Variants in AUTS2 observed in about 807,000 individuals in gnomAD.
AUTS2 encodes activator of transcription and developmental regulator AUTS2, also known as autism susceptibility gene 2 protein.
Under a neutral mutation model 112.4 loss-of-function variants are expected in AUTS2, and 17 were observed. The observed-to-expected ratio is 0.15, with a 90% CI of 0.10 to 0.23. AUTS2 has a LOEUF of 0.23. Among genes scored for constraint, AUTS2 ranks in the 10% least tolerant of loss-of-function variants. The pLI, the probability that AUTS2 is intolerant of heterozygous loss-of-function variation, is 1.00. For synonymous variants in AUTS2, 751 were observed against 702.7 expected (o/e 1.07, Z -1.09); for missense variants, 1,510 against 1,701.6 (o/e 0.89, Z 1.98).
chr7:70,388,212 T>G (rs896217185), intron 4 of AUTS2, among the ~76,000 whole-genome samples: 26 of 152,186 alleles, frequency 1.7e-4, no homozygotes, highest in African/African-American at 4.8e-4. Context: ...TTCTCTCTCC[T>G]TTGATTTTCC....
intron 4 of AUTS2, among the ~76,000 whole-genome samples, chr7:70,173,277 C>T (rs1235963647): frequency 1.3e-5 from 2 of 151,250 alleles, no homozygotes; most frequent in Non-Finnish European, 2.9e-5. Flanking sequence ...AGGAGAATGG[C>T]GTGAACCCGG....
chr7:70,516,445 G>A (rs1299122387), intron 5 of AUTS2, among the ~76,000 whole-genome samples: 1 of 152,178 alleles, frequency 6.6e-6, no homozygotes. Flanking sequence ...AGGTTCTTGG[G>A]ATAAGAGAAA....
At chr7:70,498,572 T>G (rs1250487839) in intron 5 of AUTS2, among the ~76,000 whole-genome samples, 1 of 152,138 alleles carries the variant, frequency 6.6e-6, no homozygotes, top group Non-Finnish European at 1.5e-5. Context: ...AGGAAGGGAC[T>G]AGGTGGGGGG....
chr7:70,161,396 C>T (rs1479749816), intron 4 of AUTS2, among the ~76,000 whole-genome samples: 1 of 151,482 alleles, frequency 6.6e-6, no homozygotes, highest in East Asian at 1.9e-4. Flanking sequence ...TTCTTTTACA[C>T]CAGTTTCTTA....
intron 4 of AUTS2, among the ~76,000 whole-genome samples, chr7:70,206,043 G>C (rs1285116815): frequency 3.3e-5 from 5 of 152,184 alleles, no homozygotes; most frequent in African/African-American, 9.6e-5. Context: ...AATTTGCAGA[G>C]GAGAAAACTG....
chr7:70,505,424 A>G (rs1460265696), intron 5 of AUTS2, among the ~76,000 whole-genome samples: 1 of 152,186 alleles, frequency 6.6e-6, no homozygotes, highest in Non-Finnish European at 1.5e-5. Context: ...ACAGGTTTCC[A>G]AACAGCTGTT....
intron 6 of AUTS2, among the ~76,000 whole-genome samples, chr7:70,756,469 T>C (rs1159613082): frequency 6.6e-6 from 1 of 152,250 alleles, no homozygotes; most frequent in African/African-American, 2.4e-5. Flanking sequence ...ATTCATTTTT[T>C]ACTTTCTGGA....
chr7:70,191,339 G>T (rs1223302817), intron 4 of AUTS2, among the ~76,000 whole-genome samples: 1 of 151,278 alleles, frequency 6.6e-6, no homozygotes, highest in Non-Finnish European at 1.5e-5. Context: ...GGCTAATTTT[G>T]TTTTTGTATT....
At chr7:70,336,296 A>ATC (rs61633599) in intron 4 of AUTS2, among the ~76,000 whole-genome samples, 44,547 of 151,738 alleles carry the variant, frequency 0.29, 6,817 homozygotes, top group African/African-American at 0.38. Context: ...CCTCCACCCC[A>ATC]CCCATGTTTC....
At chr7:70,775,241 A>G (rs996266057) in intron 12 of AUTS2, 116 bp from the exon 13 acceptor site, 2 of 935,520 alleles carry the variant, frequency 2.1e-6, no homozygotes, top group Non-Finnish European at 3.4e-6. Flanking sequence ...GGCTTCATTT[A>G]AAAGTAAAAT....
chr7:69,849,837 G>A (rs559003067), intron 1 of AUTS2, among the ~76,000 whole-genome samples: 2 of 151,888 alleles, frequency 1.3e-5, no homozygotes, highest in Admixed American at 6.6e-5. Context: ...TTAATCATTC[G>A]CTTATTGAGG....
intron 1 of AUTS2, among the ~76,000 whole-genome samples, chr7:69,698,816 C>G (rs1210014186): frequency 6.6e-6 from 1 of 152,058 alleles, no homozygotes; most frequent in Non-Finnish European, 1.5e-5. Flanking sequence ...AGTGCTAAAA[C>G]TGCTGAGTTC....
chr7:69,802,209 G>A (rs530463779), intron 1 of AUTS2, among the ~76,000 whole-genome samples: 28 of 152,262 alleles, frequency 1.8e-4, no homozygotes, highest in Admixed American at 7.2e-4. Flanking sequence ...AGGGGAGAGC[G>A]TATGTTTCTT....
At chr7:69,731,792 C>A (rs1349540769) in intron 1 of AUTS2, among the ~76,000 whole-genome samples, 1 of 152,100 alleles carries the variant, frequency 6.6e-6, no homozygotes, top group Non-Finnish European at 1.5e-5. Flanking sequence ...AAGGTTATGT[C>A]TTTTGTCTTA....
At position 70,620,442 on chromosome 7, in the gene AUTS2, T is replaced by C. The variant is rs374621716; in HGVS notation, c.691-78127T>C. On this transcript the variant is annotated intron_variant, in intron 5 of 18. Coordinates refer to ENST00000342771, the MANE Select transcript of AUTS2 (RefSeq NM_015570.4). ...GAAGACCACATCTTATGGGCATCGG[T>C]GTGCAGTAGGCGCTCAGTCACACCA... 5.3e-5 allele frequency among the ~76,000 whole-genome samples: 8 copies of C among 152,156 alleles called. 1 individual carries two copies. The highest frequency in any genetic ancestry group is 1.7e-4 in the African/African-American group (7 of 41,522).
At chr7:70,180,336 A>C (rs1394920812) in intron 4 of AUTS2, among the ~76,000 whole-genome samples, 1 of 152,246 alleles carries the variant, frequency 6.6e-6, no homozygotes, top group Non-Finnish European at 1.5e-5. Flanking sequence ...AATGTAGTAC[A>C]GAATTCAATT....
At chr7:70,405,455 C>T (rs1794490633) in intron 4 of AUTS2, among the ~76,000 whole-genome samples, 1 of 152,198 alleles carries the variant, frequency 6.6e-6, no homozygotes, top group Non-Finnish European at 1.5e-5. Flanking sequence ...CTTTTACATT[C>T]CATCAGAATG....
chr7:69,965,058 C>G (rs10275134), intron 2 of AUTS2, among the ~76,000 whole-genome samples: 83,939 of 151,798 alleles, frequency 0.55, 23,584 homozygotes, highest in South Asian at 0.63. Flanking sequence ...GTTCCCCTTA[C>G]AAGAATCACA....
chr7:69,746,549 C>A (rs79847037), intron 1 of AUTS2, among the ~76,000 whole-genome samples: 10 of 152,124 alleles, frequency 6.6e-5, no homozygotes, highest in African/African-American at 2.4e-4. Context: ...GAATGAGCTG[C>A]GCAACTCTTC....
Sources: gnomAD v4.1 joint callset for allele counts (sites outside exome capture counted in the v4.1 genomes callset) on GRCh38, gnomAD v4.1.1 for gene constraint, MANE v1.5 for transcripts, NCBI Gene and HGNC (gene_info 2026-07-23, HGNC 2026-07-21) for gene names.